UGT1A8: variants seen among roughly 807,000 people sequenced by gnomAD.
The protein encoded by UGT1A8 is UDP glucuronosyltransferase family 1 member A8.
In UGT1A8, 39 loss-of-function variants were observed where a neutral mutation model predicts 45.3. The ratio of observed to expected loss-of-function variants is 0.86; its 90% CI spans 0.67 to 1.12. The LOEUF is 1.12. Among genes scored for constraint, UGT1A8 ranks in the 50% most tolerant of loss-of-function variants. The probability of loss-of-function intolerance (pLI) is 0.00; values close to 1 mark genes in which losing one functional copy is unlikely to be tolerated. For synonymous variants in UGT1A8, 275 were observed against 249.2 expected (o/e 1.10, Z -0.97); for missense variants, 719 against 664.9 (o/e 1.08, Z -0.90).
Position 233,617,660 on chromosome 2 carries a change from T to C in UGT1A8, c.-48T>C. 1.9e-6 allele frequency: 3 copies of C among 1,583,156 alleles called. No homozygotes were observed. Among genetic ancestry groups the C allele is most frequent in the Non-Finnish European group, 2.6e-6 (3 of 1,163,378 alleles). On this transcript the variant is annotated 5_prime_UTR_variant, in exon 1 of 5. Coordinates refer to ENST00000373450, the MANE Select transcript of UGT1A8 (RefSeq NM_019076.5). ...GCCTGTAGTTCTTCCGCCTACTGTA[T>C]CATAGCAGCTTAGAATCCCAGCTGC...
chr2:233,667,886 G>A (rs1344182149), intron 1 of UGT1A8, among the ~76,000 whole-genome samples: 1 of 152,150 alleles, frequency 6.6e-6, no homozygotes, highest in Non-Finnish European at 1.5e-5. Context: ...GAAACAACAG[G>A]TGCTGTAGAG....
chr2:233,767,930 C>A lies in UGT1A8; in HGVS notation c.1069C>A (p.Leu357Met). The change falls in exon 3 of 5, where the codon CTG (leucine) becomes ATG (methionine). Residue 357 changes from leucine to methionine, a missense_variant. By Grantham distance (15) the Leu-to-Met change is conservative (BLOSUM62 2). Coordinates refer to ENST00000373450, the MANE Select transcript of UGT1A8 (RefSeq NM_019076.5). ...ILVKWLPQND[L>M]LGHPMTRAFI... ...TGTTAAGTGGCTACCCCAAAACGAT[C>A]TGCTTGGTATGTTGGGCGGATTGGA... The A allele has an allele frequency of 6.2e-7, 1 of 1,614,200 alleles. No individual in the cohort carries two copies. The highest frequency in any genetic ancestry group is 8.5e-7 in the Non-Finnish European group (1 of 1,180,054).
At chr2:233,728,451 C>T (rs754577531) in intron 1 of UGT1A8, among the ~76,000 whole-genome samples, 1 of 152,174 alleles carries the variant, frequency 6.6e-6, no homozygotes, top group Non-Finnish European at 1.5e-5. Context: ...GGAGAATCCT[C>T]AACAAAGTCT....
At chr2:233,703,966 C>T (rs910344544) in intron 1 of UGT1A8, among the ~76,000 whole-genome samples, 12 of 152,032 alleles carry the variant, frequency 7.9e-5, no homozygotes, top group African/African-American at 2.9e-4. Context: ...TCTTGGCCCA[C>T]TGCAACCTCC....
At chr2:233,643,326 G>A (rs1473492839) in intron 1 of UGT1A8, among the ~76,000 whole-genome samples, 1 of 152,052 alleles carries the variant, frequency 6.6e-6, no homozygotes, top group Non-Finnish European at 1.5e-5. Flanking sequence ...TCACCTTGTA[G>A]CCACTGCCAC....
chr2:233,725,937 A>G (rs911094598), intron 1 of UGT1A8, among the ~76,000 whole-genome samples: 3 of 152,148 alleles, frequency 2.0e-5, no homozygotes. Flanking sequence ...AGACTGATGC[A>G]GGAGGATTGT....
intron 1 of UGT1A8, among the ~76,000 whole-genome samples, chr2:233,634,738 G>A (rs777394384): frequency 7.1e-6 from 1 of 141,168 alleles, no homozygotes; most frequent in African/African-American, 2.7e-5. Flanking sequence ...ACACTGATGG[G>A]TCTTGACTGT....
At chr2:233,686,017 T>C (rs1241753278) in intron 1 of UGT1A8, among the ~76,000 whole-genome samples, 1 of 152,202 alleles carries the variant, frequency 6.6e-6, no homozygotes. Flanking sequence ...TTGATTTTCA[T>C]CATGGTGCCA....
At chr2:233,758,342 G>C (rs956728370) in intron 1 of UGT1A8, among the ~76,000 whole-genome samples, 1 of 152,206 alleles carries the variant, frequency 6.6e-6, no homozygotes, top group African/African-American at 2.4e-5. Flanking sequence ...TGGAAGCTCT[G>C]CATGATGCAG....
intron 1 of UGT1A8, among the ~76,000 whole-genome samples, chr2:233,724,591 T>C (rs2077285744): frequency 8.2e-6 from 1 of 122,228 alleles, no homozygotes; most frequent in Non-Finnish European, 1.7e-5. Context: ...TCCCCACATC[T>C]CAGACGATGG....
intron 1 of UGT1A8, chr2:233,693,016 C>CCTTCG (rs767644326): frequency 1.4e-5 from 23 of 1,613,998 alleles, no homozygotes; most frequent in Non-Finnish European, 1.8e-5. Flanking sequence ...TGGCCTGCCT[C>CCTTCG]CTTCGCTCAT....
chr2:233,636,543 C>G (rs953772637), intron 1 of UGT1A8: 2 of 1,613,926 alleles, frequency 1.2e-6, no homozygotes, highest in Admixed American at 1.7e-5. Flanking sequence ...CAGGGTGGAC[C>G]AGCCCCGTTC....
chr2:233,641,557 G>C (rs750619136), intron 1 of UGT1A8, among the ~76,000 whole-genome samples: 2 of 152,150 alleles, frequency 1.3e-5, no homozygotes, highest in African/African-American at 2.4e-5. Flanking sequence ...CAGTTACAAT[G>C]TTATAATATT....
intron 2 of UGT1A8, among the ~76,000 whole-genome samples, chr2:233,767,377 A>C (rs897397722): frequency 2.0e-5 from 3 of 152,190 alleles, no homozygotes; most frequent in Non-Finnish European, 4.4e-5. Context: ...ACTATGATCC[A>C]CCACACTCAG....
In UGT1A8 at chr2:233,617,654, A is replaced by G. The variant is rs2072924811; in HGVS notation, c.-54A>G. 6.4e-7 allele frequency: 1 copy of G among 1,565,048 alleles called. No homozygotes were observed. The highest frequency in any genetic ancestry group is 1.8e-5 in the Admixed American group (1 of 54,830). ...TTTTGTGCCTGTAGTTCTTCCGCCT[A>G]CTGTATCATAGCAGCTTAGAATCCC... On this transcript the variant is annotated 5_prime_UTR_variant, in exon 1 of 5. Coordinates refer to ENST00000373450, the MANE Select transcript of UGT1A8 (RefSeq NM_019076.5).
chr2:233,759,311 G>A (rs1276961284), intron 1 of UGT1A8, among the ~76,000 whole-genome samples: 2 of 152,170 alleles, frequency 1.3e-5, no homozygotes, highest in African/African-American at 2.4e-5. Context: ...TGGCTGAGGT[G>A]GGTGAGCTTT....
chr2:233,704,140 C>T (rs1322869617), intron 1 of UGT1A8, among the ~76,000 whole-genome samples: 3 of 152,114 alleles, frequency 2.0e-5, no homozygotes, highest in Non-Finnish European at 4.4e-5. Flanking sequence ...ATCCACCCGC[C>T]TCAGCCTTTC....
rs1449791470 is a variant in UGT1A8 at position 233,678,850 on chromosome 2, G to T, written c.855+60288G>T. Among the ~76,000 whole-genome samples the T allele has an allele frequency of 3.3e-5, 5 of 152,124 alleles. No individual in the cohort carries two copies. In the South Asian group the frequency reaches 8.3e-4, roughly 25 times the overall value. On this transcript the variant is annotated intron_variant, in intron 1 of 4. Coordinates refer to ENST00000373450, the MANE Select transcript of UGT1A8 (RefSeq NM_019076.5). Reference sequence around the variant, plus strand: ...TGAAATACCTTATCCCCAACATTTTGTTGCTGTATCCATAATCCCTTCATG... The same window carrying T: ...TGAAATACCTTATCCCCAACATTTTTTTGCTGTATCCATAATCCCTTCATG...
intron 1 of UGT1A8, among the ~76,000 whole-genome samples, chr2:233,630,436 T>C (rs2125454130): frequency 6.6e-6 from 1 of 152,286 alleles, no homozygotes; most frequent in South Asian, 2.1e-4. Context: ...ACCTGCAGAA[T>C]ATAATTCTGT....
Sources: gnomAD v4.1 joint callset for allele counts (sites outside exome capture counted in the v4.1 genomes callset) on GRCh38, gnomAD v4.1.1 for gene constraint, MANE v1.5 for transcripts, NCBI Gene and HGNC (gene_info 2026-07-23, HGNC 2026-07-21) for gene names.